TMEM245: variants seen among roughly 807,000 people sequenced by gnomAD.
The protein encoded by TMEM245 is protein CG-2.
TMEM245 carries 69 observed loss-of-function variants against 101.2 expected under a neutral mutation model. The ratio of observed to expected loss-of-function variants is 0.68; its 90% CI spans 0.56 to 0.83. The LOEUF (loss-of-function observed/expected upper bound fraction) is 0.83, where lower values mean the gene tolerates loss of function less well. TMEM245 is among the 40% of genes least tolerant of loss of function. The probability of loss-of-function intolerance (pLI) is 0.00; values close to 1 mark genes in which losing one functional copy is unlikely to be tolerated. For missense variants in TMEM245, 1,075 were observed against 1,092.8 expected, an observed-to-expected ratio of 0.98 and a Z score of 0.23; for synonymous variants, 537 against 449.8, an observed-to-expected ratio of 1.19 and a Z score of -2.45.
rs946631872 is a variant in TMEM245 at position 109,042,123 on chromosome 9, T to C, written c.2124-4006A>G. ...AATGGTAATTATATGCCCAGTATTA[T>C]AGGTTATTTAACCTTACAATTTAAA... On this transcript the variant is annotated intron_variant, in intron 14 of 17. Coordinates refer to ENST00000374586, the MANE Select transcript of TMEM245 (RefSeq NM_032012.4). 4.6e-5 allele frequency among the ~76,000 whole-genome samples: 7 copies of C among 152,174 alleles called. No homozygotes were observed. The East Asian group carries it at 1.2e-3, about 25-fold the overall frequency.
At chr9:109,089,224 A>G (rs1829929320) in intron 5 of TMEM245, among the ~76,000 whole-genome samples, 1 of 141,008 alleles carries the variant, frequency 7.1e-6, no homozygotes, top group South Asian at 2.2e-4. Context: ...ACAAAGTGAG[A>G]CCTTGTCTCA....
chr9:109,064,661 C>G, intron 9 of TMEM245, 94 bp from the exon 10 acceptor site: 1 of 1,003,538 alleles, frequency 1.0e-6, no homozygotes, highest in East Asian at 2.4e-5. Flanking sequence ...CCATAACAGA[C>G]AGACTGTTGA....
intron 8 of TMEM245, 28 bp from the exon 9 acceptor site, chr9:109,073,466 A>C: frequency 6.5e-7 from 1 of 1,535,396 alleles, no homozygotes; most frequent in Non-Finnish European, 8.9e-7. Flanking sequence ...AAAGAAAAGA[A>C]TCTCAGTAAA....
chr9:109,094,545 C>T (rs1830089882), intron 3 of TMEM245, among the ~76,000 whole-genome samples: 1 of 152,214 alleles, frequency 6.6e-6, no homozygotes, highest in Admixed American at 6.5e-5. Context: ...TGATCTCTAA[C>T]TTCACGGCGA....
At chr9:109,037,955 T>A (rs1394587996) in intron 15 of TMEM245, 62 bp downstream of exon 15, 8 of 1,348,160 alleles carry the variant, frequency 5.9e-6, no homozygotes, top group Non-Finnish European at 8.1e-6. Flanking sequence ...TTCCTAGATG[T>A]ATGTAAAATG....
chr9:109,023,898 G>A (rs1009280446), intron 17 of TMEM245, among the ~76,000 whole-genome samples: 2 of 151,470 alleles, frequency 1.3e-5, no homozygotes, highest in Non-Finnish European at 2.9e-5. Flanking sequence ...GTGGTCACAT[G>A]GGACTAGAGG....
intron 5 of TMEM245, among the ~76,000 whole-genome samples, chr9:109,087,635 C>T (rs74552982): frequency 0.025 from 3,788 of 152,200 alleles, 157 homozygotes; most frequent in African/African-American, 0.088. Context: ...ATAATCTCAT[C>T]GTGAAGATTT....
chr9:109,061,356 T>C (rs911119068), intron 10 of TMEM245, among the ~76,000 whole-genome samples: 1 of 152,148 alleles, frequency 6.6e-6, no homozygotes, highest in African/African-American at 2.4e-5. Flanking sequence ...TAGAAGTTTG[T>C]AGGCCCACTT....
At chr9:109,063,668 C>T (rs1361998943) in intron 10 of TMEM245, among the ~76,000 whole-genome samples, 1 of 152,072 alleles carries the variant, frequency 6.6e-6, no homozygotes, top group Admixed American at 6.6e-5. Context: ...GAATCTAATC[C>T]TTAACTGTGC....
chr9:109,052,801 T>C (rs1195571920), intron 12 of TMEM245, among the ~76,000 whole-genome samples: 1 of 152,132 alleles, frequency 6.6e-6, no homozygotes, highest in Non-Finnish European at 1.5e-5. Context: ...CATTTTGGAA[T>C]TTTTATTAAA....
In TMEM245 at chr9:109,038,120, G is replaced by T. The variant is rs1450605946; in HGVS notation, c.2124-3C>A. The T allele has an allele frequency of 6.2e-7, 1 of 1,608,502 alleles. No homozygotes were observed. Among genetic ancestry groups the T allele is most frequent in the African/African-American group, 1.3e-5 (1 of 74,632 alleles). ...TGAGGGAAGCATCAAACACCCCTCTGGAATGCCCAAAGATAAAAAGAAAGA... is the reference window on the plus strand; with the variant it reads ...TGAGGGAAGCATCAAACACCCCTCTTGAATGCCCAAAGATAAAAAGAAAGA... On this transcript the variant is annotated splice_region_variant and splice_polypyrimidine_tract_variant and intron_variant, in intron 14 of 17. Transcript: ENST00000374586.
chr9:109,092,567 T>G (rs1216195749), intron 4 of TMEM245, among the ~76,000 whole-genome samples: 2 of 152,226 alleles, frequency 1.3e-5, no homozygotes, highest in African/African-American at 4.8e-5. Context: ...AAAACCAAAA[T>G]ATCATTTCCT....
At chr9:109,106,411 T>A (rs931977714) in intron 3 of TMEM245, 97 bp downstream of exon 3, 87 of 681,124 alleles carry the variant, frequency 1.3e-4, no homozygotes, top group Non-Finnish European at 2.0e-4. Flanking sequence ...CATAGGTTTT[T>A]AAATAGATTC....
chr9:109,117,466 C>A (rs1339248639), intron 1 of TMEM245, among the ~76,000 whole-genome samples: 1 of 152,138 alleles, frequency 6.6e-6, no homozygotes, highest in Non-Finnish European at 1.5e-5. Context: ...TTCTTTCTCC[C>A]ACTCCCAGGT....
intron 9 of TMEM245, among the ~76,000 whole-genome samples, chr9:109,069,628 G>A (rs985154847): frequency 6.6e-6 from 1 of 152,020 alleles, no homozygotes; most frequent in Non-Finnish European, 1.5e-5. Context: ...TTCGTGCCAT[G>A]GATTCATCTC....
At chr9:109,066,822 G>A (rs1043764463) in intron 9 of TMEM245, among the ~76,000 whole-genome samples, 4 of 151,966 alleles carry the variant, frequency 2.6e-5, no homozygotes, top group Admixed American at 6.6e-5. Flanking sequence ...TTGAGAGGCC[G>A]AGGCGGGTGG....
intron 3 of TMEM245, among the ~76,000 whole-genome samples, chr9:109,099,025 C>G (rs1429784631): frequency 6.6e-6 from 1 of 152,194 alleles, no homozygotes; most frequent in East Asian, 1.9e-4. Context: ...TCTTGATCCA[C>G]TCCATTCTTT....
At chr9:109,070,542 C>T (rs1398082999) in intron 9 of TMEM245, among the ~76,000 whole-genome samples, 1 of 152,172 alleles carries the variant, frequency 6.6e-6, no homozygotes, top group Non-Finnish European at 1.5e-5. Context: ...TTTGTCACTT[C>T]TCATCTGGTT....
At chr9:109,092,679 G>A (rs1407767561) in intron 4 of TMEM245, among the ~76,000 whole-genome samples, 1 of 152,154 alleles carries the variant, frequency 6.6e-6, no homozygotes, top group African/African-American at 2.4e-5. Context: ...GTTCTTCAAG[G>A]AGAATTCACT....
Sources: gnomAD v4.1 joint callset for allele counts (sites outside exome capture counted in the v4.1 genomes callset) on GRCh38, gnomAD v4.1.1 for gene constraint, MANE v1.5 for transcripts, NCBI Gene and HGNC (gene_info 2026-07-23, HGNC 2026-07-21) for gene names.